DOCK1: variants seen among roughly 807,000 people sequenced by gnomAD.
DOCK1 encodes dedicator of cytokinesis protein 1.
A neutral mutation model predicts 262.7 loss-of-function variants in DOCK1; 138 were observed. The observed-to-expected ratio is 0.53, with a 90% CI of 0.46 to 0.61. DOCK1 has a LOEUF of 0.61. Ranked by LOEUF, DOCK1 falls within the 20% of genes least tolerant of loss-of-function variation. DOCK1 has a pLI of 0.00. For synonymous variants in DOCK1, 866 were observed against 867.4 expected (o/e 1.00, Z 0.03); for missense variants, 1,908 against 2,370.7 (o/e 0.80, Z 4.05).
chr10:127,091,806 A>C (rs2047549356), intron 23 of DOCK1, among the ~76,000 whole-genome samples: 1 of 152,190 alleles, frequency 6.6e-6, no homozygotes, highest in Non-Finnish European at 1.5e-5. Context: ...AAAAACACAC[A>C]GACCCTGTTC....
chr10:127,166,744 A>T (rs1270489929), intron 27 of DOCK1, among the ~76,000 whole-genome samples: 5 of 152,224 alleles, frequency 3.3e-5, no homozygotes, highest in South Asian at 4.1e-4. Context: ...TGGAGTTTTT[A>T]AAATTATTTG....
At chr10:127,379,787 T>C (rs2065728032) in intron 35 of DOCK1, among the ~76,000 whole-genome samples, 1 of 152,252 alleles carries the variant, frequency 6.6e-6, no homozygotes, top group Non-Finnish European at 1.5e-5. Context: ...TCTTCATGTC[T>C]TTTTGGGCAA....
At position 127,190,674 on chromosome 10, in the gene DOCK1, C is replaced by A. The variant is rs146691132; in HGVS notation, c.2848-57334C>A. 3.2e-3 allele frequency among the ~76,000 whole-genome samples: 68 copies of A among 21,476 alleles called. 15 individuals carry two copies. The highest frequency in any genetic ancestry group is 0.016 in the Admixed American group (41 of 2,578). The allele number at this position is 21,476 out of a possible 152,430, so 14.1% of individuals were successfully genotyped here. A position where few individuals can be genotyped will look rare whatever the true frequency, so the allele number is the denominator to read the frequency against. On this transcript the variant is annotated intron_variant, in intron 27 of 51. Transcript: ENST00000623213. ...AATAGAAATCCTATCTTCCCCCCCCCCCCCCCCCCGTTCCTGCTGGCTCCC... is the reference window on the plus strand; with the variant it reads ...AATAGAAATCCTATCTTCCCCCCCCACCCCCCCCCGTTCCTGCTGGCTCCC...
At chr10:127,093,921 C>T (rs1315354459) in intron 23 of DOCK1, among the ~76,000 whole-genome samples, 1 of 152,148 alleles carries the variant, frequency 6.6e-6, no homozygotes, top group Admixed American at 6.5e-5. Context: ...GGCCTTCTTG[C>T]CTGGTCATCC....
At chr10:127,180,584 A>G (rs940542063) in intron 27 of DOCK1, among the ~76,000 whole-genome samples, 1 of 152,218 alleles carries the variant, frequency 6.6e-6, no homozygotes, top group Non-Finnish European at 1.5e-5. Context: ...TGAGCTGTAA[A>G]TACATAAACC....
At chr10:127,414,839 C>T (rs1207233980) in intron 43 of DOCK1, among the ~76,000 whole-genome samples, 2 of 152,142 alleles carry the variant, frequency 1.3e-5, no homozygotes, top group Admixed American at 6.5e-5. Flanking sequence ...AGAGGGGCTC[C>T]CCATACCTCA....
chr10:127,281,779 G>A (rs1044232582), intron 29 of DOCK1, among the ~76,000 whole-genome samples: 2 of 152,098 alleles, frequency 1.3e-5, no homozygotes, highest in African/African-American at 4.8e-5. Context: ...GAGAAATGGT[G>A]GGAGCAGGGC....
At chr10:126,991,774 C>A (rs1356209024) in intron 6 of DOCK1, among the ~76,000 whole-genome samples, 3 of 152,120 alleles carry the variant, frequency 2.0e-5, no homozygotes, top group Non-Finnish European at 2.9e-5. Context: ...GGTGATCCAC[C>A]CGCCTTGGCA....
chr10:127,334,193 A>G (rs1194374169), intron 29 of DOCK1, among the ~76,000 whole-genome samples: 1 of 152,164 alleles, frequency 6.6e-6, no homozygotes, highest in East Asian at 1.9e-4. Context: ...GGTGTTGAAC[A>G]ACGTTCCGAA....
intron 1 of DOCK1, among the ~76,000 whole-genome samples, chr10:126,921,020 A>C (rs544870557): frequency 1.3e-4 from 20 of 152,234 alleles, no homozygotes; most frequent in Admixed American, 1.0e-3. Flanking sequence ...AACATGGTGA[A>C]ACCCCGTCTC....
intron 29 of DOCK1, among the ~76,000 whole-genome samples, chr10:127,260,514 G>A (rs1407450758): frequency 6.6e-6 from 1 of 152,142 alleles, no homozygotes; most frequent in Non-Finnish European, 1.5e-5. Flanking sequence ...GTACTGTGAG[G>A]CCAGGTCGTT....
intron 23 of DOCK1, among the ~76,000 whole-genome samples, chr10:127,072,461 T>C (rs2046286092): frequency 6.6e-6 from 1 of 152,198 alleles, no homozygotes. Context: ...AAAATTATCA[T>C]TGTGGATTGT....
At chr10:127,280,029 T>TATATATATAC (rs2060890286) in intron 29 of DOCK1, among the ~76,000 whole-genome samples, 2 of 136,914 alleles carry the variant, frequency 1.5e-5, no homozygotes, top group Admixed American at 1.4e-4. Flanking sequence ...TATATATATA[T>TATATATATAC]ATATAATTTT....
At chr10:127,135,515 C>A (rs2050614807) in intron 27 of DOCK1, 1 of 152,600 alleles carries the variant, frequency 6.6e-6, no homozygotes, top group Admixed American at 6.5e-5. Context: ...GCCATGTGTA[C>A]ATCTACATAA....
intron 31 of DOCK1, among the ~76,000 whole-genome samples, chr10:127,345,964 C>T (rs545923107): frequency 2.0e-5 from 3 of 152,342 alleles, no homozygotes; most frequent in Admixed American, 6.5e-5. Flanking sequence ...CGCACTTCAA[C>T]GCACTGTAAT....
At chr10:127,178,864 T>G (rs571362450) in intron 27 of DOCK1, among the ~76,000 whole-genome samples, 325 of 152,238 alleles carry the variant, frequency 2.1e-3, no homozygotes, top group Middle Eastern at 0.017. Context: ...CCCAGCAGGT[T>G]AAACAGATGC....
chr10:127,287,534 G>T (rs2061202549), intron 29 of DOCK1, among the ~76,000 whole-genome samples: 1 of 152,076 alleles, frequency 6.6e-6, no homozygotes, highest in East Asian at 1.9e-4. Flanking sequence ...GTTTGTTCAA[G>T]TTCTGTAGGA....
chr10:127,125,139 AC>A (rs1462161963), intron 25 of DOCK1, among the ~76,000 whole-genome samples: 1 of 152,082 alleles, frequency 6.6e-6, no homozygotes, highest in Non-Finnish European at 1.5e-5. Flanking sequence ...ACAACAAAAA[AC>A]AAAAAACCCA....
At chr10:126,988,847 T>C (rs2039593285) in intron 5 of DOCK1, among the ~76,000 whole-genome samples, 1 of 152,102 alleles carries the variant, frequency 6.6e-6, no homozygotes, top group Admixed American at 6.5e-5. Flanking sequence ...CCGAGGCGGA[T>C]GGATCACTTG....
Sources: allele counts gnomAD v4.1 joint callset (sites outside exome capture counted in the v4.1 genomes callset), GRCh38; gene constraint gnomAD v4.1.1; transcripts MANE v1.5; gene names NCBI Gene and HGNC (gene_info 2026-07-23, HGNC 2026-07-21).